The following FUT8 variants were observed in gnomAD, a reference collection of about 807,000 sequenced individuals.
The protein encoded by FUT8 is alpha-(1,6)-fucosyltransferase.
In FUT8, 29 loss-of-function variants were observed where a neutral mutation model predicts 71.3. The ratio of observed to expected loss-of-function variants is 0.41; its 90% CI spans 0.30 to 0.55. The LOEUF is 0.55. Ranked by LOEUF, FUT8 falls within the 20% of genes least tolerant of loss-of-function variation. FUT8 has a pLI of 0.34. For synonymous variants in FUT8, 254 were observed against 239.3 expected, an observed-to-expected ratio of 1.06 and a Z score of -0.57; for missense variants, 544 against 702.1, an observed-to-expected ratio of 0.77 and a Z score of 2.55.
At chr14:65,475,852 A>G (rs781298034) in intron 2 of FUT8, among the ~76,000 whole-genome samples, 5 of 151,914 alleles carry the variant, frequency 3.3e-5, no homozygotes, top group Admixed American at 6.6e-5. Context: ...CTTGGGCCCA[A>G]CCTCCTTGTA....
intron 7 of FUT8, among the ~76,000 whole-genome samples, chr14:65,707,025 T>G (rs568686741): frequency 2.4e-4 from 36 of 152,308 alleles, no homozygotes; most frequent in East Asian, 3.9e-4. Context: ...CCTTAAAGTC[T>G]TGATGGAATG....
intron 3 of FUT8, among the ~76,000 whole-genome samples, chr14:65,610,935 A>G (rs1458552550): frequency 2.6e-5 from 4 of 151,634 alleles, no homozygotes; most frequent in Non-Finnish European, 1.5e-5. Flanking sequence ...TATAATTTTT[A>G]TATTGGTGTT....
At chr14:65,655,594 CA>C (rs34958630) in intron 6 of FUT8, among the ~76,000 whole-genome samples, 3 of 151,430 alleles carry the variant, frequency 2.0e-5, no homozygotes, top group African/African-American at 7.3e-5. Flanking sequence ...ATCAATTTAC[CA>C]AAAAAATGTA....
At position 65,743,734 on chromosome 14, in the gene FUT8, T is replaced by C. The variant is rs1326935601; in HGVS notation, c.*1324T>C. The C allele has an allele frequency of 6.6e-6, 1 of 151,882 alleles. No homozygotes were observed. Among genetic ancestry groups the C allele is most frequent in the African/African-American group, 2.4e-5 (1 of 41,392 alleles). 9.4% of individuals were successfully genotyped at this position (151,882 alleles called of 1,614,324 possible). A position where few individuals can be genotyped will look rare whatever the true frequency, so the allele number is the denominator to read the frequency against. On this transcript the variant is annotated 3_prime_UTR_variant, in exon 11 of 11. Transcript: ENST00000673929. ...GGATTATCTTTTCCAAATTCTTCCA[T>C]GTTAGAATCACTTCAGAAAATAAGA...
intron 9 of FUT8, among the ~76,000 whole-genome samples, chr14:65,729,656 A>G (rs941937099): frequency 2.0e-5 from 3 of 152,078 alleles, no homozygotes; most frequent in African/African-American, 7.2e-5. Flanking sequence ...CTGGGACTAC[A>G]GGCACATGCC....
chr14:65,618,012 T>TAC, intron 5 of FUT8, among the ~76,000 whole-genome samples: 1 of 23,456 alleles, frequency 4.3e-5, no homozygotes, highest in Admixed American at 4.9e-4. Flanking sequence ...AATTAATTCA[T>TAC]ATATATATAT....
At chr14:65,692,368 C>A (rs1893674064) in intron 7 of FUT8, among the ~76,000 whole-genome samples, 2 of 146,238 alleles carry the variant, frequency 1.4e-5, no homozygotes, top group African/African-American at 2.5e-5. Flanking sequence ...CTGACCCCCC[C>A]ACCTCCCTCC....
At chr14:65,523,722 C>G (rs1883245247) in intron 2 of FUT8, among the ~76,000 whole-genome samples, 2 of 152,200 alleles carry the variant, frequency 1.3e-5, no homozygotes, top group Non-Finnish European at 2.9e-5. Flanking sequence ...ACATTTAGGT[C>G]TTTAATCCAT....
chr14:65,525,578 C>G (rs1181368115), intron 2 of FUT8, among the ~76,000 whole-genome samples: 1 of 152,150 alleles, frequency 6.6e-6, no homozygotes, highest in Non-Finnish European at 1.5e-5. Context: ...CTGCTCTGAT[C>G]TTAGTTATTT....
chr14:65,451,166 A>T (rs1211249832), intron 1 of FUT8, among the ~76,000 whole-genome samples: 1 of 151,928 alleles, frequency 6.6e-6, no homozygotes, highest in Non-Finnish European at 1.5e-5. Flanking sequence ...CCAGCCCACC[A>T]CTCTTAACTC....
chr14:65,426,207 A>C (rs72714428), intron 1 of FUT8, among the ~76,000 whole-genome samples: 20,339 of 151,944 alleles, frequency 0.13, 1,808 homozygotes, highest in Middle Eastern at 0.2. Flanking sequence ...ATCATGTAGT[A>C]CGTGTATTTG....
At chr14:65,356,880 C>A in the FUT8 span, among the ~76,000 whole-genome samples, 1 of 152,204 alleles carries the variant, frequency 6.6e-6, no homozygotes, top group South Asian at 2.1e-4. The surrounding 1 kb of genome is among the most constrained non-coding windows in gnomAD (Gnocchi z 4.6). Flanking sequence ...GCTCACATAT[C>A]TGGCAGAGGC....
intron 2 of FUT8, among the ~76,000 whole-genome samples, chr14:65,476,986 A>T (rs2139665256): frequency 6.6e-6 from 1 of 152,306 alleles, no homozygotes; most frequent in South Asian, 2.1e-4. Flanking sequence ...TTAGAATTAG[A>T]TTTATTCCAA....
chr14:65,496,736 A>T (rs150713407), intron 2 of FUT8, among the ~76,000 whole-genome samples: 13 of 152,298 alleles, frequency 8.5e-5, no homozygotes, highest in African/African-American at 2.9e-4. Context: ...GCAGTTCTTC[A>T]TAGCAGTGTG....
intron 6 of FUT8, among the ~76,000 whole-genome samples, chr14:65,657,599 C>T (rs750955714): frequency 1.2e-4 from 19 of 152,048 alleles, no homozygotes; most frequent in Non-Finnish European, 2.4e-4. Context: ...CATGTTCTTA[C>T]TTATTTGTGG....
intron 3 of FUT8, among the ~76,000 whole-genome samples, chr14:65,606,482 T>A (rs1457774448): frequency 6.6e-6 from 1 of 151,868 alleles, no homozygotes; most frequent in Non-Finnish European, 1.5e-5. Context: ...TCTCCCAAGA[T>A]CATGAAGAAT....
chr14:65,439,377 CAG>C (rs2065607597), intron 1 of FUT8, among the ~76,000 whole-genome samples: 1 of 152,108 alleles, frequency 6.6e-6, no homozygotes, highest in Non-Finnish European at 1.5e-5. Context: ...CAGTCTTCCT[CAG>C]AGAATGGACA....
intron 6 of FUT8, among the ~76,000 whole-genome samples, chr14:65,654,049 G>A (rs955877399): frequency 2.0e-5 from 3 of 152,202 alleles, no homozygotes; most frequent in East Asian, 1.9e-4. Context: ...AATAGGTATA[G>A]GGAATTGCCT....
At chr14:65,723,998 C>A in intron 8 of FUT8, 149 bp from the exon 9 acceptor site, 1 of 485,670 alleles carries the variant, frequency 2.1e-6, no homozygotes, top group South Asian at 6.8e-5. Context: ...TTTTAAAATA[C>A]TATGTGTTTT....
Sources: allele counts gnomAD v4.1 joint callset (sites outside exome capture counted in the v4.1 genomes callset), GRCh38; gene constraint gnomAD v4.1.1; non-coding constraint Gnocchi (gnomAD v3.1); transcripts MANE v1.5; gene names NCBI Gene and HGNC (gene_info 2026-07-23, HGNC 2026-07-21).